Variants in FAM193A observed in about 807,000 individuals in gnomAD.
The protein encoded by FAM193A is protein FAM193A.
FAM193A carries 22 observed loss-of-function variants against 126.5 expected under a neutral mutation model. That is an observed-to-expected ratio of 0.17 (90% CI 0.12 to 0.25). The LOEUF (loss-of-function observed/expected upper bound fraction) is 0.25, where lower values mean the gene tolerates loss of function less well. FAM193A is among the 10% of genes least tolerant of loss of function. The pLI, the probability that FAM193A is intolerant of heterozygous loss-of-function variation, is 1.00. For synonymous variants in FAM193A, 761 were observed against 646.8 expected (o/e 1.18, Z -2.68); for missense variants, 1,675 against 1,672.8 (o/e 1.00, Z -0.02).
intron 2 of FAM193A, among the ~76,000 whole-genome samples, chr4:2,623,462 G>T (rs2108970975): frequency 6.6e-6 from 1 of 151,802 alleles, no homozygotes; most frequent in South Asian, 2.1e-4. Context: ...GAGCCACCGC[G>T]CCTGGCCGGT....
intron 13 of FAM193A, among the ~76,000 whole-genome samples, chr4:2,681,987 GT>G (rs1346813634): frequency 0.013 from 1,557 of 121,766 alleles, 15 homozygotes; most frequent in African/African-American, 0.046. Context: ...TTTTTTTTTG[GT>G]TTTTTTTTTT....
chr4:2,569,857 T>C (rs760592125), intron 1 of FAM193A, among the ~76,000 whole-genome samples: 2 of 152,160 alleles, frequency 1.3e-5, no homozygotes, highest in Non-Finnish European at 2.9e-5. Context: ...ACTCCAGTAT[T>C]ACCTGGAATT....
At chr4:2,686,035 AT>A (rs2109241234) in intron 13 of FAM193A, among the ~76,000 whole-genome samples, 1 of 152,318 alleles carries the variant, frequency 6.6e-6, no homozygotes, top group Admixed American at 6.5e-5. Flanking sequence ...CTTTACAGTT[AT>A]ATCATTGGTG....
At chr4:2,727,043 G>A (rs370216356) in intron 20 of FAM193A, among the ~76,000 whole-genome samples, 16 of 151,782 alleles carry the variant, frequency 1.1e-4, no homozygotes, top group Middle Eastern at 3.4e-3. Context: ...GGCGGATCAC[G>A]AGGTCAAGAG....
intron 1 of FAM193A, among the ~76,000 whole-genome samples, chr4:2,563,477 G>T (rs559498418): frequency 6.6e-6 from 1 of 151,896 alleles, no homozygotes; most frequent in Non-Finnish European, 1.5e-5. Flanking sequence ...GGCCGAGGTG[G>T]GAGGATTGCT....
chr4:2,622,536 T>C (rs926407512), intron 2 of FAM193A, among the ~76,000 whole-genome samples: 5 of 152,166 alleles, frequency 3.3e-5, no homozygotes, highest in African/African-American at 9.7e-5. Context: ...TGGCTCTTTC[T>C]TGTTGGTGGC....
chr4:2,553,710 A>G (rs1448113747), intron 1 of FAM193A, among the ~76,000 whole-genome samples: 2 of 152,064 alleles, frequency 1.3e-5, no homozygotes, highest in East Asian at 1.9e-4. Context: ...TGGTTTGGCT[A>G]TGTTCCCACC....
chr4:2,574,555 A>T (rs1403479139), intron 1 of FAM193A, among the ~76,000 whole-genome samples: 1 of 152,034 alleles, frequency 6.6e-6, no homozygotes. Flanking sequence ...ACGGTCATGG[A>T]TGTGGTTGGC....
intron 7 of FAM193A, among the ~76,000 whole-genome samples, chr4:2,649,838 G>A (rs902101380): frequency 1.3e-5 from 2 of 152,212 alleles, no homozygotes; most frequent in African/African-American, 4.8e-5. Context: ...CACAGCAGGA[G>A]GTGAGTGGCC....
intron 1 of FAM193A, among the ~76,000 whole-genome samples, chr4:2,570,959 G>T (rs1739259416): frequency 6.6e-6 from 1 of 152,144 alleles, no homozygotes; most frequent in Non-Finnish European, 1.5e-5. Flanking sequence ...ACCTCTGCCT[G>T]TTGTATTCAG....
intron 13 of FAM193A, among the ~76,000 whole-genome samples, chr4:2,677,392 T>C (rs1714530870): frequency 6.6e-6 from 1 of 151,942 alleles, no homozygotes; most frequent in Non-Finnish European, 1.5e-5. Context: ...CCAGGTTTGG[T>C]GGGTTTTTTT....
intron 20 of FAM193A, among the ~76,000 whole-genome samples, chr4:2,722,894 C>T (rs1395512383): frequency 1.3e-5 from 2 of 152,172 alleles, no homozygotes; most frequent in Non-Finnish European, 2.9e-5. Context: ...AACTCTGGAG[C>T]TCAGAGGATT....
In FAM193A at chr4:2,690,745, C is replaced by A; in HGVS notation, c.2578C>A (p.Leu860Ile). 6.2e-7 allele frequency: 1 copy of A among 1,614,066 alleles called. No homozygotes were observed. The highest frequency in any genetic ancestry group is 8.5e-7 in the Non-Finnish European group (1 of 1,179,978). Residue 860 changes from leucine to isoleucine, a missense_variant, in exon 15 of 21, where the codon CTT (leucine) becomes ATT (isoleucine). Leu to Ile is a conservative substitution (Grantham distance 5, BLOSUM62 2). Coordinates refer to ENST00000637812, the MANE Select transcript of FAM193A (RefSeq NM_001366318.2). The part of the protein sequence containing the change: ...PTLSETRPEA[L>I]PPPSSNETPA... ...ACTCTCAGAAACAAGACCGGAAGCC[C>A]TTCCACCTCCATCTAGCAATGAAAC...
In FAM193A at chr4:2,590,402, T is replaced by C. The variant is rs566335791; in HGVS notation, c.256-5682T>C. Among the ~76,000 whole-genome samples the C allele has an allele frequency of 4.9e-4, 69 of 140,202 alleles. 1 individual carries two copies. The East Asian group carries it at 0.011, about 23-fold the overall frequency. 92.0% of individuals were successfully genotyped at this position (140,202 alleles called of 152,430 possible). A position where few individuals can be genotyped will look rare whatever the true frequency, so the allele number is the denominator to read the frequency against. On this transcript the variant is annotated intron_variant, in intron 1 of 20. Transcript: ENST00000637812. ...ATCATTTGAACTCGGGAGGCAGAGG[T>C]TGCAGTGAGCCAAGATGGCGCCACT...
intron 13 of FAM193A, among the ~76,000 whole-genome samples, chr4:2,677,258 A>G (rs1211104088): frequency 1.3e-5 from 2 of 152,272 alleles, no homozygotes; most frequent in South Asian, 2.1e-4. Flanking sequence ...ATTTGACCAT[A>G]TATCTGAAGT....
At chr4:2,545,955 C>G (rs1201058083) in intron 1 of FAM193A, among the ~76,000 whole-genome samples, 2 of 152,114 alleles carry the variant, frequency 1.3e-5, no homozygotes, top group African/African-American at 4.8e-5. Context: ...TGAGACCAGC[C>G]TGACCAACAT....
chr4:2,692,496 C>G (rs915034221), intron 15 of FAM193A, among the ~76,000 whole-genome samples: 1 of 152,170 alleles, frequency 6.6e-6, no homozygotes, highest in Admixed American at 6.5e-5. Flanking sequence ...CTGGAGGAAC[C>G]TAGCAGACAG....
intron 12 of FAM193A, among the ~76,000 whole-genome samples, chr4:2,669,563 C>A (rs916857763): frequency 6.6e-6 from 1 of 152,186 alleles, no homozygotes; most frequent in African/African-American, 2.4e-5. Flanking sequence ...GAGACAAGAT[C>A]GCGCCATTGC....
At chr4:2,704,897 C>G (rs1413570261) in intron 19 of FAM193A, among the ~76,000 whole-genome samples, 2 of 150,444 alleles carry the variant, frequency 1.3e-5, no homozygotes, top group African/African-American at 5.0e-5. Context: ...TGGTCTTTTC[C>G]CTTTTGTATT....
Sources: allele counts gnomAD v4.1 joint callset (sites outside exome capture counted in the v4.1 genomes callset), GRCh38; gene constraint gnomAD v4.1.1; transcripts MANE v1.5; gene names NCBI Gene and HGNC (gene_info 2026-07-23, HGNC 2026-07-21).